DLGAP2: variants seen among roughly 807,000 people sequenced by gnomAD.
The protein encoded by DLGAP2 is DLG associated protein 2.
Under a neutral mutation model 100.3 loss-of-function variants are expected in DLGAP2, and 26 were observed. The ratio of observed to expected loss-of-function variants is 0.26; its 90% CI spans 0.19 to 0.36. The LOEUF is 0.36. Among genes scored for constraint, DLGAP2 ranks in the 10% least tolerant of loss-of-function variants. The pLI is 1.00. For missense variants in DLGAP2, 1,858 were observed against 1,453.2 expected (o/e 1.28, Z -4.53); for synonymous variants, 886 against 630.1 (o/e 1.41, Z -6.08).
At chr8:765,631 AT>A (rs1821191682) in intron 1 of DLGAP2, among the ~76,000 whole-genome samples, 3 of 152,172 alleles carry the variant, frequency 2.0e-5, no homozygotes, top group Admixed American at 2.0e-4. Flanking sequence ...GAAAAAATTA[AT>A]TTTTGTATAA....
chr8:908,020 A>G, intron 2 of DLGAP2, 54 bp downstream of exon 2: 1 of 398,826 alleles, frequency 2.5e-6, no homozygotes, highest in Middle Eastern at 6.3e-4. Flanking sequence ...ATCAGTGGCA[A>G]AAGTGAGAAA....
intron 2 of DLGAP2, among the ~76,000 whole-genome samples, chr8:1,078,656 C>T (rs775168426): frequency 6.6e-6 from 1 of 151,922 alleles, no homozygotes; most frequent in Non-Finnish European, 1.5e-5. Flanking sequence ...TGGAAATAGA[C>T]AGTATGTAAC....
intron 4 of DLGAP2, among the ~76,000 whole-genome samples, chr8:1,545,348 T>G (rs1181313172): frequency 6.6e-6 from 1 of 152,158 alleles, no homozygotes; most frequent in Non-Finnish European, 1.5e-5. Flanking sequence ...AATATGCTAT[T>G]TAGATTGGGT....
At chr8:919,616 C>T (rs1033319562) in intron 2 of DLGAP2, among the ~76,000 whole-genome samples, 1 of 152,200 alleles carries the variant, frequency 6.6e-6, no homozygotes, top group Non-Finnish European at 1.5e-5. Context: ...TGCGCCAGTA[C>T]AGGATGGGGC....
chr8:1,135,896 AT>A (rs1796400420), intron 2 of DLGAP2, among the ~76,000 whole-genome samples: 1 of 152,156 alleles, frequency 6.6e-6, no homozygotes, highest in South Asian at 2.1e-4. Flanking sequence ...CCGTCGTGTA[AT>A]CACAAGCAAT....
chr8:780,936 C>T (rs773661396), intron 1 of DLGAP2, among the ~76,000 whole-genome samples: 1 of 152,170 alleles, frequency 6.6e-6, no homozygotes, highest in Non-Finnish European at 1.5e-5. Context: ...GATATATTTG[C>T]TTGTGCTAGG....
chr8:891,396 G>T (rs1798031957), intron 1 of DLGAP2: 1 of 152,416 alleles, frequency 6.6e-6, no homozygotes, highest in African/African-American at 2.4e-5. Context: ...GTACAGCCCT[G>T]GTGAGGTGTA....
At chr8:883,598 TAGGAACGCGTGTGCCGC>T (rs1797858798) in intron 1 of DLGAP2, among the ~76,000 whole-genome samples, 1 of 151,254 alleles carries the variant, frequency 6.6e-6, no homozygotes, top group Admixed American at 6.6e-5. Context: ...GTTCGTTACA[TAGGAACGCGTGTGCCGC>T]GGCGGTTCGT....
intron 2 of DLGAP2, among the ~76,000 whole-genome samples, chr8:936,637 T>G (rs545491759): frequency 9.2e-5 from 14 of 152,282 alleles, no homozygotes; most frequent in South Asian, 6.2e-4. Context: ...GAGTCTGAGC[T>G]GGAGCCTAGT....
At chr8:1,273,009 C>T (rs1039303029) in intron 3 of DLGAP2, among the ~76,000 whole-genome samples, 5 of 152,134 alleles carry the variant, frequency 3.3e-5, no homozygotes, top group African/African-American at 1.2e-4. Flanking sequence ...CCATCTGGGT[C>T]CACCTCTGCC....
intron 1 of DLGAP2, among the ~76,000 whole-genome samples, chr8:759,155 AC>A (rs1821003747): frequency 2.9e-5 from 2 of 69,494 alleles, no homozygotes; most frequent in Non-Finnish European, 3.1e-5. Flanking sequence ...CATTATCAAT[AC>A]CCCCCACAGC....
intron 3 of DLGAP2, among the ~76,000 whole-genome samples, chr8:1,472,335 A>T (rs1798827234): frequency 6.6e-6 from 1 of 152,222 alleles, no homozygotes; most frequent in African/African-American, 2.4e-5. Context: ...AGGTGCCATC[A>T]TCCCTTCAGG....
chr8:1,412,608 G>A (rs1026062690), intron 3 of DLGAP2, among the ~76,000 whole-genome samples: 1 of 152,208 alleles, frequency 6.6e-6, no homozygotes. Flanking sequence ...CTCTGCCTCA[G>A]TGTCCTCTTC....
chr8:758,910 G>A (rs374817925), intron 1 of DLGAP2, among the ~76,000 whole-genome samples: 1 of 151,726 alleles, frequency 6.6e-6, no homozygotes, highest in South Asian at 2.1e-4. Context: ...TGAGCAGAAG[G>A]CACAGAGAGT....
At chr8:868,689 T>C (rs1301265487) in intron 1 of DLGAP2, among the ~76,000 whole-genome samples, 1 of 152,216 alleles carries the variant, frequency 6.6e-6, no homozygotes, top group Non-Finnish European at 1.5e-5. Context: ...GGTGCTGGTG[T>C]GGGCTTTGGT....
At chr8:1,160,498 T>C (rs1405032296) in intron 2 of DLGAP2, among the ~76,000 whole-genome samples, 6 of 152,242 alleles carry the variant, frequency 3.9e-5, no homozygotes, top group African/African-American at 4.8e-5. Flanking sequence ...TGGTCATTTT[T>C]TCGACTGCAG....
intron 4 of DLGAP2, among the ~76,000 whole-genome samples, chr8:1,518,172 G>A (rs946131645): frequency 7.9e-5 from 12 of 152,282 alleles, no homozygotes; most frequent in South Asian, 4.1e-4. Flanking sequence ...TGACTTGTCC[G>A]TACCATTTAG....
At chr8:777,777 C>A (rs1264472319) in intron 1 of DLGAP2, among the ~76,000 whole-genome samples, 2 of 152,120 alleles carry the variant, frequency 1.3e-5, no homozygotes, top group Admixed American at 1.3e-4. Flanking sequence ...TCTGGCTGCC[C>A]TTAACATTTT....
intron 1 of DLGAP2, among the ~76,000 whole-genome samples, chr8:903,661 G>C (rs527710483): frequency 6.6e-6 from 1 of 152,224 alleles, no homozygotes; most frequent in East Asian, 1.9e-4. Flanking sequence ...CTTGGTGAAT[G>C]GCACGGCCAT....
Sources: allele counts gnomAD v4.1 joint callset (sites outside exome capture counted in the v4.1 genomes callset), GRCh38; gene constraint gnomAD v4.1.1; transcripts MANE v1.5; gene names NCBI Gene and HGNC (gene_info 2026-07-23, HGNC 2026-07-21).